IGLON5: variants seen among roughly 807,000 people sequenced by gnomAD.
IGLON5 encodes the protein Ig-like domain-containing protein ENSP00000270642.
IGLON5 carries 16 observed loss-of-function variants against 38.2 expected under a neutral mutation model. The observed-to-expected ratio is 0.42, with a 90% CI of 0.28 to 0.64. The LOEUF (loss-of-function observed/expected upper bound fraction) is 0.64. Among genes scored for constraint, IGLON5 ranks in the 30% least tolerant of loss-of-function variants. The pLI, the probability that IGLON5 is intolerant of heterozygous loss-of-function variation, is 0.23. For synonymous variants in IGLON5, 207 were observed against 216.4 expected, an observed-to-expected ratio of 0.96 and a Z score of 0.38; for missense variants, 366 against 483.4, an observed-to-expected ratio of 0.76 and a Z score of 2.28.
rs1220350097 is a variant in IGLON5, at chr19:51,323,935, G to A, written c.391+41G>A. On this transcript the variant is annotated intron_variant, in intron 3 of 7. Coordinates refer to ENST00000270642, the MANE Select transcript of IGLON5 (RefSeq NM_001101372.3). ...GGGCCTGGCTGGGTGGAGGGGTTGA[G>A]AGCGTGGGGGAGACTAGGCATGATG... 5 of 1,375,708 alleles carry A rather than the reference G, an allele frequency of 3.6e-6. No individual in the cohort carries two copies. In the South Asian group the frequency reaches 3.7e-5, roughly 10 times the overall value. 85.2% of individuals were successfully genotyped at this position (1,375,708 alleles called of 1,614,324 possible). A position where few individuals can be genotyped will look rare whatever the true frequency, so the allele number is the denominator to read the frequency against.
intron 3 of IGLON5, 105 bp downstream of exon 3, chr19:51,323,999 C>T (rs958126742): frequency 7.9e-6 from 6 of 762,210 alleles, no homozygotes; most frequent in African/African-American, 3.5e-5. Flanking sequence ...GGATACATAG[C>T]GAGAAAGACA....
rs1439831307 is a variant in IGLON5 at position 51,329,106 on chromosome 19, G to C, written c.*347G>C. On this transcript the variant is annotated 3_prime_UTR_variant, in exon 8 of 8. Coordinates refer to ENST00000270642, the MANE Select transcript of IGLON5 (RefSeq NM_001101372.3). The surrounding 1 kb of genome is among the most constrained non-coding windows in gnomAD (Gnocchi z 4.3). ...AGTGTGAGCCTGCATGCATGTGTAG[G>C]TGTCTGTGTCTCTGTTTGTGTGTGT... The C allele has an allele frequency of 6.7e-6, 1 of 148,984 alleles. No homozygotes were observed. The highest frequency in any genetic ancestry group is 1.4e-5 in the Non-Finnish European group (1 of 69,316). 9.2% of individuals were successfully genotyped at this position (148,984 alleles called of 1,614,324 possible).
intron 1 of IGLON5, among the ~76,000 whole-genome samples, chr19:51,319,315 G>A (rs1011113990): frequency 1.1e-4 from 16 of 152,072 alleles, no homozygotes; most frequent in South Asian, 2.1e-4. Flanking sequence ...GTGTGTGTGT[G>A]TGTGTGTGTG....
intron 1 of IGLON5, among the ~76,000 whole-genome samples, chr19:51,317,063 G>A (rs906073751): frequency 6.6e-6 from 1 of 152,110 alleles, no homozygotes; most frequent in African/African-American, 2.4e-5. Flanking sequence ...CCTTGGCAGG[G>A]CGGCAGAAGA....
rs765466638 is a variant in IGLON5, at chr19:51,311,852, C to T, written c.5C>T (p.Pro2Leu). Residue 2 changes from proline to leucine, a missense_variant, in exon 1 of 8, where the codon CCC becomes CTC. Transcript: ENST00000270642. MPPPAPGARLRL... is the reference protein window; with the variant it reads MLPPAPGARLRL... Reference sequence around the variant, plus strand: ...CTCCGCGCCGCCTCTGCCGCGATGCCCCCCCCTGCGCCCGGGGCCCGGCTC... The same window carrying T: ...CTCCGCGCCGCCTCTGCCGCGATGCTCCCCCCTGCGCCCGGGGCCCGGCTC... The T allele has an allele frequency of 1.6e-5, 21 of 1,299,960 alleles. No individual in the cohort carries two copies. The highest frequency in any genetic ancestry group is 4.1e-5 in the South Asian group (2 of 48,436). 80.5% of individuals were successfully genotyped at this position (1,299,960 alleles called of 1,614,324 possible).
intron 4 of IGLON5, 44 bp from the exon 5 acceptor site, chr19:51,326,720 T>A (rs569612543): frequency 6.8e-7 from 1 of 1,462,530 alleles, no homozygotes; most frequent in Non-Finnish European, 9.2e-7. Flanking sequence ...CCGTGTTAAG[T>A]GTTTGTGTCC....
rs1464514053 is a variant in IGLON5, at chr19:51,313,643, C to CTTTT, written c.79+1718_79+1719insTTTT. Among the ~76,000 whole-genome samples, 452 of 96,264 alleles carry CTTTT rather than the reference C, an allele frequency of 4.7e-3. 1 individual carries two copies. Among genetic ancestry groups the CTTTT allele is most frequent in the Non-Finnish European group, 6.6e-3 (348 of 52,710 alleles). The allele number at this position is 96,264 out of a possible 152,430, so 63.2% of individuals were successfully genotyped here. ...CTTCTTTCTCTTTTTCTCTCTCTCTCTCTTTTTCTTTCTTTCTTTCTTTCT... is the reference window on the plus strand; with the variant it reads ...CTTCTTTCTCTTTTTCTCTCTCTCTCTTTTTCTTTTTCTTTCTTTCTTTCTTTCT... On this transcript the variant is annotated intron_variant, in intron 1 of 7. Coordinates refer to ENST00000270642, the MANE Select transcript of IGLON5 (RefSeq NM_001101372.3).
At chr19:51,316,634 C>G (rs1984933698) in intron 1 of IGLON5, among the ~76,000 whole-genome samples, 1 of 151,780 alleles carries the variant, frequency 6.6e-6, no homozygotes, top group Non-Finnish European at 1.5e-5. Flanking sequence ...GCTGGGACTA[C>G]AAGCACATGC....
intron 1 of IGLON5, among the ~76,000 whole-genome samples, chr19:51,319,308 T>A (rs958241961): frequency 6.7e-6 from 1 of 149,082 alleles, no homozygotes. Context: ...TGTGTGCGTG[T>A]GTGTGTGTGT....
At chr19:51,313,904 C>A (rs1984845964) in intron 1 of IGLON5, among the ~76,000 whole-genome samples, 1 of 151,182 alleles carries the variant, frequency 6.6e-6, no homozygotes, top group Non-Finnish European at 1.5e-5. Flanking sequence ...AATTTTTTTT[C>A]TTTGTAGAGA....
chr19:51,321,450 A>G (rs899784856), intron 1 of IGLON5, among the ~76,000 whole-genome samples: 1 of 152,130 alleles, frequency 6.6e-6, no homozygotes. Flanking sequence ...AAATGCTGAG[A>G]TTACAGGTGT....
chr19:51,327,080 A>G lies in IGLON5; in HGVS notation c.647A>G (p.Tyr216Cys). 1 of 1,604,754 alleles carries G rather than the reference A, an allele frequency of 6.2e-7. No homozygotes were observed. Among genetic ancestry groups the G allele is most frequent in the Non-Finnish European group, 8.5e-7 (1 of 1,174,382 alleles). Reference protein sequence around the residue: ...DSRRVLVTVNYPPTITDVTSA... With the variant: ...DSRRVLVTVNCPPTITDVTSA... ...TTCGCTGACCCTTGCCCCTCGCCAG[A>G]TCCTCCGACCATCACGGACGTGACC... The change falls in exon 6 of 8, where the codon TAT (tyrosine) becomes TGT (cysteine). Residue 216 changes from tyrosine (Y) to cysteine (C), a missense_variant and splice_region_variant. Transcript: ENST00000270642. The surrounding 1 kb of genome is among the most constrained non-coding windows in gnomAD (Gnocchi z 7.1).
At position 51,327,366 on chromosome 19, in the gene IGLON5, C is replaced by G. The variant is rs1487674052; in HGVS notation, c.767+166C>G. Among the ~76,000 whole-genome samples the G allele has an allele frequency of 6.6e-6, 1 of 152,124 alleles. No individual in the cohort carries two copies. Among genetic ancestry groups the G allele is most frequent in the Non-Finnish European group, 1.5e-5 (1 of 68,018 alleles). ...GATGGGATCTGTCCAGCCCCGGAGA[C>G]AAGCTTGGGTCCCCGCTTGATGAAT... On this transcript the variant is annotated intron_variant, in intron 6 of 7. Coordinates refer to ENST00000270642, the MANE Select transcript of IGLON5 (RefSeq NM_001101372.3). The surrounding 1 kb of genome is among the most constrained non-coding windows in gnomAD (Gnocchi z 7.1).
At chr19:51,326,684 T>C in intron 4 of IGLON5, 80 bp from the exon 5 acceptor site, 1 of 912,088 alleles carries the variant, frequency 1.1e-6, no homozygotes, top group Non-Finnish European at 1.5e-6. Context: ...CCCGCTGATG[T>C]GTGTCCGTGT....
chr19:51,317,092 G>C (rs1320839213), intron 1 of IGLON5, among the ~76,000 whole-genome samples: 2 of 152,158 alleles, frequency 1.3e-5, no homozygotes, highest in African/African-American at 4.8e-5. Flanking sequence ...CCCAGCCCAA[G>C]GTCACTCAGC....
rs1402512387 is a variant in IGLON5, at chr19:51,327,551, G to T, written c.768-181G>T. On this transcript the variant is annotated intron_variant, in intron 6 of 7. Transcript: ENST00000270642. The surrounding 1 kb of genome is among the most constrained non-coding windows in gnomAD (Gnocchi z 7.1). ...GAGTCCAGAGTCCTGAGAGGCCAGG[G>T]TGCCTGGAGGGGGGCGGCGGTGGGA... is the stretch of plus-strand genomic sequence containing the variant. Among the ~76,000 whole-genome samples the T allele has an allele frequency of 2.6e-5, 4 of 152,154 alleles. No individual in the cohort carries two copies. Among genetic ancestry groups the T allele is most frequent in the Non-Finnish European group, 4.4e-5 (3 of 68,012 alleles).
chr19:51,318,445 A>G (rs1009681058), intron 1 of IGLON5, among the ~76,000 whole-genome samples: 1 of 152,144 alleles, frequency 6.6e-6, no homozygotes, highest in African/African-American at 2.4e-5. Flanking sequence ...CACCCCAGTG[A>G]CCAGATAATA....
chr19:51,327,703 G>T lies in IGLON5; in HGVS notation c.768-29G>T, dbSNP rs1178816486. On this transcript the variant is annotated intron_variant, in intron 6 of 7. Transcript: ENST00000270642. The surrounding 1 kb of genome is among the most constrained non-coding windows in gnomAD (Gnocchi z 7.1). The stretch of plus-strand genomic sequence containing the variant: ...GGGGCTGGCCTGGCTGGGCGCTGCG[G>T]CCCGGCCCCTGACCCGGATCCCTGG... 70 of 1,549,520 alleles carry T rather than the reference G, an allele frequency of 4.5e-5. No homozygotes were observed. The highest frequency in any genetic ancestry group is 6.0e-5 in the Non-Finnish European group (69 of 1,153,060).
chr19:51,327,561 G>T lies in IGLON5; in HGVS notation c.768-171G>T, dbSNP rs1316055495. ...TCCTGAGAGGCCAGGGTGCCTGGAGGGGGGCGGCGGTGGGAGTGACCCGAG... is the reference window on the plus strand; with the variant it reads ...TCCTGAGAGGCCAGGGTGCCTGGAGTGGGGCGGCGGTGGGAGTGACCCGAG... On this transcript the variant is annotated intron_variant, in intron 6 of 7. Transcript: ENST00000270642. The surrounding 1 kb of genome is among the most constrained non-coding windows in gnomAD (Gnocchi z 7.1). 2.6e-5 allele frequency among the ~76,000 whole-genome samples: 4 copies of T among 152,172 alleles called. No homozygotes were observed. Among genetic ancestry groups the T allele is most frequent in the Admixed American group, 6.5e-5 (1 of 15,278 alleles).
Sources: gnomAD v4.1 joint callset for allele counts (sites outside exome capture counted in the v4.1 genomes callset) on GRCh38, gnomAD v4.1.1 for gene constraint, Gnocchi (gnomAD v3.1) non-coding constraint, MANE v1.5 for transcripts, NCBI Gene and HGNC (gene_info 2026-07-23, HGNC 2026-07-21) for gene names.